The following EIF2B2 variants were observed in gnomAD, a reference collection of about 807,000 sequenced individuals.
EIF2B2 encodes translation initiation factor eIF2B subunit beta.
A neutral mutation model predicts 34.7 loss-of-function variants in EIF2B2; 34 were observed. That is an observed-to-expected ratio of 0.98 (90% CI 0.75 to 1.31). EIF2B2 has a LOEUF of 1.31. EIF2B2 is among the 50% of genes most tolerant of loss of function. EIF2B2 has a pLI of 0.00. For synonymous variants in EIF2B2, 155 were observed against 171.6 expected (o/e 0.90, Z 0.76); for missense variants, 361 against 447.7 (o/e 0.81, Z 1.75).
At chr14:75,007,478 G>T in intron 6 of EIF2B2, 1 of 417,146 alleles carries the variant, frequency 2.4e-6, no homozygotes, top group Non-Finnish European at 4.5e-6. Context: ...CATCCATGTT[G>T]TAATGTCAGA....
chr14:75,004,683 ATATATATTTTTTTTTTTTTTTTT>A (rs1285669591), intron 3 of EIF2B2, 31 bp from the exon 4 acceptor site: 1 of 146,594 alleles, frequency 6.8e-6, no homozygotes, highest in Non-Finnish European at 8.9e-6. Flanking sequence ...ATATATATAT[ATATATATTTTTTTTTTTTTTTTT>A]TTTTTTTTTT....
chr14:75,003,063 G>A lies in EIF2B2; in HGVS notation c.73G>A (p.Gly25Ser), dbSNP rs1410049270. The change falls in exon 1 of 8, where the codon GGT (glycine) becomes AGT (serine). Residue 25 changes from glycine (G) to serine (S), a missense_variant. By Grantham distance (56) the Gly-to-Ser change is moderately conservative. Coordinates refer to ENST00000266126, the MANE Select transcript of EIF2B2 (RefSeq NM_014239.4). ...GAGCTTCGTGGAGACCCTGAAGCGGGGTGGTGGGCCGCGCAGCTCCGAGGA... is the reference window on the plus strand; with the variant it reads ...GAGCTTCGTGGAGACCCTGAAGCGGAGTGGTGGGCCGCGCAGCTCCGAGGA... ...IESFVETLKRGGGPRSSEEMA... is the reference protein window; with the variant it reads ...IESFVETLKRSGGPRSSEEMA... 3 of 1,613,998 alleles carry A rather than the reference G, an allele frequency of 1.9e-6. No homozygotes were observed. In the African/African-American group the frequency reaches 4.0e-5, roughly 22 times the overall value.
In EIF2B2 at chr14:75,007,803, T is replaced by C; in HGVS notation, c.898+15T>C. ...ATTCACAGAAGGTACAGAAGCTGTGTGTGCATGCGTGCATGTGTTGTGTGT... is the reference window on the plus strand; with the variant it reads ...ATTCACAGAAGGTACAGAAGCTGTGCGTGCATGCGTGCATGTGTTGTGTGT... On this transcript the variant is annotated intron_variant, in intron 7 of 7. Coordinates refer to ENST00000266126, the MANE Select transcript of EIF2B2 (RefSeq NM_014239.4). The C allele has an allele frequency of 6.2e-7, 1 of 1,612,648 alleles. No individual in the cohort carries two copies. Among genetic ancestry groups the C allele is most frequent in the Non-Finnish European group, 8.5e-7 (1 of 1,179,044 alleles).
chr14:75,003,269 C>T lies in EIF2B2; in HGVS notation c.164-6C>T. 6.2e-7 allele frequency: 1 copy of T among 1,613,624 alleles called. No individual in the cohort carries two copies. The highest frequency in any genetic ancestry group is 8.5e-7 in the Non-Finnish European group (1 of 1,179,978). ...CTCCTCTTATCCTCTCTCTTTTGGA[C>T]TGTAGGGGAGCTGATGGAGCTGATC... On this transcript the variant is annotated splice_polypyrimidine_tract_variant and splice_region_variant and intron_variant, in intron 1 of 7. Transcript: ENST00000266126.
intron 3 of EIF2B2, among the ~76,000 whole-genome samples, chr14:75,004,056 C>A (rs80223558): frequency 6.6e-6 from 1 of 152,236 alleles, no homozygotes; most frequent in African/African-American, 2.4e-5. Context: ...TATACCATTT[C>A]TATCCCCCTT....
chr14:75,006,903 CA>C lies in EIF2B2; in HGVS notation c.831+190del. The C allele has an allele frequency of 1.2e-6, 1 of 865,440 alleles. No homozygotes were observed. Among genetic ancestry groups the C allele is most frequent in the Non-Finnish European group, 1.9e-6 (1 of 529,286 alleles). The allele number at this position is 865,440 out of a possible 1,614,324, so 53.6% of individuals were successfully genotyped here. On this transcript the variant is annotated intron_variant, in intron 6 of 7. Coordinates refer to ENST00000266126, the MANE Select transcript of EIF2B2 (RefSeq NM_014239.4). This position sits in a 1 kb window ranked among gnomAD's most constrained non-coding sequence, Gnocchi z 4.1. ...ATTCAGTAAAACAGTTGAGAGTTCT[CA>C]GCTGTCAACTTTAGGAAGTCAAGAT...
At chr14:75,004,685 ATATATTTTTTTTTTT>A (rs1388668197) in intron 3 of EIF2B2, 37 bp from the exon 4 acceptor site, 2 of 130,132 alleles carry the variant, frequency 1.5e-5, no homozygotes, top group Non-Finnish European at 1.0e-5. Context: ...ATATATATAT[ATATATTTTTTTTTTT>A]TTTTTTTTTT....
At position 75,006,576 on chromosome 14, in the gene EIF2B2, G is replaced by A. The variant is rs1286508111; in HGVS notation, c.694-1G>A. The A allele has an allele frequency of 6.2e-7, 1 of 1,613,920 alleles. No individual in the cohort carries two copies. The highest frequency in any genetic ancestry group is 8.5e-7 in the Non-Finnish European group (1 of 1,180,020). ...CTCACATTTTTTGTCTTGTCCCAAA[G>A]GTGATCATTGGCACGAAGACCATCC... On this transcript the variant is annotated splice_acceptor_variant, in intron 5 of 7. Transcript: ENST00000266126. LOFTEE classifies it high-confidence loss of function. This position sits in a 1 kb window ranked among gnomAD's most constrained non-coding sequence, Gnocchi z 4.1.
chr14:75,006,033 G>A lies in EIF2B2; in HGVS notation c.693+72G>A, dbSNP rs1889622238. 1.6e-6 allele frequency: 2 copies of A among 1,235,754 alleles called. No individual in the cohort carries two copies. The highest frequency in any genetic ancestry group is 3.0e-5 in the African/African-American group (2 of 67,582). 76.5% of individuals were successfully genotyped at this position (1,235,754 alleles called of 1,614,324 possible). A position where few individuals can be genotyped will look rare whatever the true frequency, so the allele number is the denominator to read the frequency against. ...AAAATATTGATTTTTATCTCCTCCT[G>A]TAATATCCACGGTGAGAGAATAAAG... is the stretch of plus-strand genomic sequence containing the variant. On this transcript the variant is annotated intron_variant, in intron 5 of 7. Transcript: ENST00000266126. This position sits in a 1 kb window ranked among gnomAD's most constrained non-coding sequence, Gnocchi z 4.1.
At chr14:75,008,062 C>T in intron 7 of EIF2B2, 1 of 398,956 alleles carries the variant, frequency 2.5e-6, no homozygotes, top group Non-Finnish European at 4.6e-6. Flanking sequence ...CTGGGTTTGG[C>T]TTTGCATGCT....
At position 75,005,147 on chromosome 14, in the gene EIF2B2, C is replaced by T. The variant is rs116941150; in HGVS notation, c.597+247C>T. On this transcript the variant is annotated intron_variant, in intron 4 of 7. Transcript: ENST00000266126. ...AATCCCAGCACTTTGGGAGGCTGGG[C>T]GGGTGGATTACCTGAGGTCAGGAGT... 4,962 of 418,858 alleles carry T rather than the reference C, an allele frequency of 0.012. 60 individuals are homozygous for T. The highest frequency in any genetic ancestry group is 0.027 in the South Asian group (1,311 of 48,098). 25.9% of individuals were successfully genotyped at this position (418,858 alleles called of 1,614,324 possible). A position where few individuals can be genotyped will look rare whatever the true frequency, so the allele number is the denominator to read the frequency against.
At position 75,009,247 on chromosome 14, in the gene EIF2B2, G is replaced by A; in HGVS notation, c.*59G>A. On this transcript the variant is annotated 3_prime_UTR_variant, in exon 8 of 8. Coordinates refer to ENST00000266126, the MANE Select transcript of EIF2B2 (RefSeq NM_014239.4). ...CAGATACAGAATGAAGAGGAGACTT[G>A]AGTGTTGCTGCTGAAGCACATCCTT... The A allele has an allele frequency of 3.7e-6, 6 of 1,600,282 alleles. No homozygotes were observed. Among genetic ancestry groups the A allele is most frequent in the Admixed American group, 1.7e-5 (1 of 59,980 alleles).
rs1889671441 is a variant in EIF2B2, at chr14:75,009,289, C to T, written c.*101C>T. 2.1e-6 allele frequency: 3 copies of T among 1,438,534 alleles called. No individual in the cohort carries two copies. The highest frequency in any genetic ancestry group is 1.2e-5 in the South Asian group (1 of 86,950). The allele number at this position is 1,438,534 out of a possible 1,614,324, so 89.1% of individuals were successfully genotyped here. A position where few individuals can be genotyped will look rare whatever the true frequency, so the allele number is the denominator to read the frequency against. On this transcript the variant is annotated 3_prime_UTR_variant, in exon 8 of 8. Transcript: ENST00000266126. ...CACATCCTTGCAATGTGGGAGTGCA[C>T]AGGAGTCCACCTAAAAAAAAAATCC...
intron 3 of EIF2B2, among the ~76,000 whole-genome samples, chr14:75,004,417 A>G (rs993614133): frequency 2.3e-4 from 35 of 152,144 alleles, no homozygotes; most frequent in South Asian, 6.2e-4. Flanking sequence ...ATAGCTGGGC[A>G]TGGTGGCTCA....
rs983424779 is a variant in EIF2B2 at position 75,006,036 on chromosome 14, A to T, written c.693+75A>T. 1.6e-5 allele frequency: 19 copies of T among 1,196,536 alleles called. No individual in the cohort carries two copies. In the African/African-American group the frequency reaches 1.6e-4, roughly 10 times the overall value. 74.1% of individuals were successfully genotyped at this position (1,196,536 alleles called of 1,614,324 possible). ...ATATTGATTTTTATCTCCTCCTGTA[A>T]TATCCACGGTGAGAGAATAAAGTTT... is the stretch of plus-strand genomic sequence containing the variant. On this transcript the variant is annotated intron_variant, in intron 5 of 7. Transcript: ENST00000266126. This position sits in a 1 kb window ranked among gnomAD's most constrained non-coding sequence, Gnocchi z 4.1.
rs1889634150 is a variant in EIF2B2, at chr14:75,006,907, T to G, written c.831+193T>G. On this transcript the variant is annotated intron_variant, in intron 6 of 7. Coordinates refer to ENST00000266126, the MANE Select transcript of EIF2B2 (RefSeq NM_014239.4). The surrounding 1 kb of genome is among the most constrained non-coding windows in gnomAD (Gnocchi z 4.1). Reference sequence around the variant, plus strand: ...AGTAAAACAGTTGAGAGTTCTCAGCTGTCAACTTTAGGAAGTCAAGATTGT... The same window carrying G: ...AGTAAAACAGTTGAGAGTTCTCAGCGGTCAACTTTAGGAAGTCAAGATTGT... The G allele has an allele frequency of 2.3e-6, 2 of 860,764 alleles. No homozygotes were observed. The highest frequency in any genetic ancestry group is 3.8e-6 in the Non-Finnish European group (2 of 525,832). 53.3% of individuals were successfully genotyped at this position (860,764 alleles called of 1,614,324 possible).
Position 75,009,448 on chromosome 14 carries a change from C to T in EIF2B2, c.*260C>T, listed in dbSNP as rs569575124. 1.5e-4 allele frequency: 73 copies of T among 485,210 alleles called. No homozygotes were observed. The highest frequency in any genetic ancestry group is 1.5e-3 in the South Asian group (71 of 48,848). The allele number at this position is 485,210 out of a possible 1,614,324, so 30.1% of individuals were successfully genotyped here. On this transcript the variant is annotated 3_prime_UTR_variant, in exon 8 of 8. Coordinates refer to ENST00000266126, the MANE Select transcript of EIF2B2 (RefSeq NM_014239.4). ...TTGGAGCCTCTTAGTGACCTGGTTGCGTCTGTGTCAGGAACTTAAACTTTC... is the reference window on the plus strand; with the variant it reads ...TTGGAGCCTCTTAGTGACCTGGTTGTGTCTGTGTCAGGAACTTAAACTTTC...
Position 75,006,022 on chromosome 14 carries a change from T to A in EIF2B2, c.693+61T>A. 1 of 1,343,614 alleles carries A rather than the reference T, an allele frequency of 7.4e-7. No homozygotes were observed. The highest frequency in any genetic ancestry group is 1.8e-4 in the Middle Eastern group (1 of 5,470). 83.2% of individuals were successfully genotyped at this position (1,343,614 alleles called of 1,614,324 possible). ...ATTATGTTTCTAAAATATTGATTTT[T>A]ATCTCCTCCTGTAATATCCACGGTG... On this transcript the variant is annotated intron_variant, in intron 5 of 7. Transcript: ENST00000266126. This position sits in a 1 kb window ranked among gnomAD's most constrained non-coding sequence, Gnocchi z 4.1.
intron 4 of EIF2B2, 50 bp downstream of exon 4, chr14:75,004,950 A>T (rs1226290399): frequency 1.3e-6 from 2 of 1,598,684 alleles, no homozygotes; most frequent in South Asian, 2.2e-5. Context: ...AATGAAGAAG[A>T]AATAAACGAG....
Sources: gnomAD v4.1 joint callset for allele counts (sites outside exome capture counted in the v4.1 genomes callset) on GRCh38, gnomAD v4.1.1 for gene constraint, Gnocchi (gnomAD v3.1) non-coding constraint, MANE v1.5 for transcripts, NCBI Gene and HGNC (gene_info 2026-07-23, HGNC 2026-07-21) for gene names.